The following UNC5B variants were observed in gnomAD, a reference collection of about 807,000 sequenced individuals.
UNC5B encodes the protein netrin receptor UNC5B.
In UNC5B, 56 loss-of-function variants were observed where a neutral mutation model predicts 103.7. That is an observed-to-expected ratio of 0.54 (90% CI 0.44 to 0.67). The LOEUF (loss-of-function observed/expected upper bound fraction) is 0.67, where lower values mean the gene tolerates loss of function less well. Among genes scored for constraint, UNC5B ranks in the 30% least tolerant of loss-of-function variants. The pLI is 0.00. For missense variants in UNC5B, 1,194 were observed against 1,284.5 expected, an observed-to-expected ratio of 0.93 and a Z score of 1.08; for synonymous variants, 577 against 542.0, an observed-to-expected ratio of 1.06 and a Z score of -0.90.
At chr10:71,220,964 G>A (rs1027533692) in intron 1 of UNC5B, among the ~76,000 whole-genome samples, 6 of 152,194 alleles carry the variant, frequency 3.9e-5, no homozygotes, top group Non-Finnish European at 8.8e-5. Flanking sequence ...GTCCGGAGTG[G>A]GGCAGAGGTG....
At chr10:71,295,425 T>C (rs1406865838) in intron 13 of UNC5B, among the ~76,000 whole-genome samples, 2 of 152,212 alleles carry the variant, frequency 1.3e-5, no homozygotes, top group East Asian at 3.8e-4. Flanking sequence ...CAGCAGCCCA[T>C]CTGTTTACCC....
chr10:71,258,656 A>G (rs1479556085), intron 1 of UNC5B, among the ~76,000 whole-genome samples: 1 of 152,216 alleles, frequency 6.6e-6, no homozygotes, highest in Non-Finnish European at 1.5e-5. Context: ...CCAAGGTCAC[A>G]CAGCTAGCGA....
intron 1 of UNC5B, among the ~76,000 whole-genome samples, chr10:71,259,885 GC>G (rs924220410): frequency 3.3e-5 from 5 of 152,228 alleles, no homozygotes; most frequent in African/African-American, 1.2e-4. Context: ...GGGGTAGATA[GC>G]CCAGGGGACT....
chr10:71,229,364 G>A (rs1447325588), intron 1 of UNC5B, among the ~76,000 whole-genome samples: 1 of 152,204 alleles, frequency 6.6e-6, no homozygotes, highest in African/African-American at 2.4e-5. Flanking sequence ...GATGGTGGGG[G>A]CATGATTGCC....
chr10:71,288,414 T>G (rs142841025), intron 6 of UNC5B, among the ~76,000 whole-genome samples, 154 bp from the exon 7 acceptor site: 1 of 152,362 alleles, frequency 6.6e-6, no homozygotes, highest in East Asian at 1.9e-4. Context: ...TCATGTGGAT[T>G]TCTCTGTGTG....
Position 71,213,346 on chromosome 10 carries a change from T to C in UNC5B, c.79+282T>C, listed in dbSNP as rs1843265952. On this transcript the variant is annotated intron_variant, in intron 1 of 16. Coordinates refer to ENST00000335350, the MANE Select transcript of UNC5B (RefSeq NM_170744.5). This position sits in a 1 kb window ranked among gnomAD's most constrained non-coding sequence, Gnocchi z 4.1. ...TGGAAGGGGTGTAGGAGTCAGGGTC[T>C]GAGTCTCCGGGAGGATCCGCCTCCT... Among the ~76,000 whole-genome samples, 1 of 152,124 alleles carries C rather than the reference T, an allele frequency of 6.6e-6. No individual in the cohort carries two copies. The highest frequency in any genetic ancestry group is 1.9e-4 in the East Asian group (1 of 5,168).
At chr10:71,293,087 T>G (rs1845308757) in intron 11 of UNC5B, among the ~76,000 whole-genome samples, 1 of 152,196 alleles carries the variant, frequency 6.6e-6, no homozygotes, top group African/African-American at 2.4e-5. Flanking sequence ...GAGTATAGAT[T>G]GGAACCAGCT....
chr10:71,282,346 A>G (rs1844951845), intron 2 of UNC5B, among the ~76,000 whole-genome samples: 1 of 152,190 alleles, frequency 6.6e-6, no homozygotes, highest in Non-Finnish European at 1.5e-5. Context: ...AGGCATTGCC[A>G]TGCTTGGGAG....
In UNC5B at chr10:71,296,040, T is replaced by G. The variant is rs1845403837; in HGVS notation, c.2325+80T>G. On this transcript the variant is annotated intron_variant, in intron 14 of 16. Coordinates refer to ENST00000335350, the MANE Select transcript of UNC5B (RefSeq NM_170744.5). The stretch of plus-strand genomic sequence containing the variant: ...GCCCAGCTCCCTCCCGGGCCCTGCC[T>G]CCTAGCTCTGTCCTGTGGCCTTACC... 1.4e-5 allele frequency: 22 copies of G among 1,587,772 alleles called. No individual in the cohort carries two copies. In the South Asian group the frequency reaches 2.4e-4, roughly 17 times the overall value.
chr10:71,273,674 G>T (rs1318280713), intron 1 of UNC5B, among the ~76,000 whole-genome samples: 1 of 152,222 alleles, frequency 6.6e-6, no homozygotes, highest in Non-Finnish European at 1.5e-5. Context: ...CTACAGACGG[G>T]CACAGGGCCT....
intron 1 of UNC5B, among the ~76,000 whole-genome samples, chr10:71,215,354 A>G (rs2132232217): frequency 6.6e-6 from 1 of 152,168 alleles, no homozygotes; most frequent in African/African-American, 2.4e-5. Context: ...CCCCTCTGCC[A>G]TGAGACTCAT....
intron 1 of UNC5B, among the ~76,000 whole-genome samples, chr10:71,253,843 A>G (rs1485407365): frequency 6.6e-6 from 1 of 152,092 alleles, no homozygotes; most frequent in East Asian, 1.9e-4. Flanking sequence ...TGGTTCACGC[A>G]TGTCTCCCAG....
chr10:71,234,760 G>A (rs1023656286), intron 1 of UNC5B, among the ~76,000 whole-genome samples: 2 of 152,224 alleles, frequency 1.3e-5, no homozygotes, highest in African/African-American at 4.8e-5. Flanking sequence ...CAGTTCCCCA[G>A]CCAGTTCCAG....
Position 71,300,029 on chromosome 10 carries a change from C to CTCTGTG in UNC5B, c.*753_*754insCTGTGT, listed in dbSNP as rs776916027. 32 of 146,648 alleles carry CTCTGTG rather than the reference C, an allele frequency of 2.2e-4. No individual in the cohort carries two copies. The highest frequency in any genetic ancestry group is 7.0e-4 in the African/African-American group (28 of 39,810). 9.1% of individuals were successfully genotyped at this position (146,648 alleles called of 1,614,324 possible). ...CACTTCTGGCCAGGAGTGAATGTGC[C>CTCTGTG]TGTGTGTGTGTGTGTGTGTGTGTGT... On this transcript the variant is annotated 3_prime_UTR_variant, in exon 17 of 17. Coordinates refer to ENST00000335350, the MANE Select transcript of UNC5B (RefSeq NM_170744.5).
Position 71,225,104 on chromosome 10 carries a change from C to T in UNC5B, c.79+12040C>T, listed in dbSNP as rs535604165. Among the ~76,000 whole-genome samples, 5 of 152,278 alleles carry T rather than the reference C, an allele frequency of 3.3e-5. No homozygotes were observed. In the South Asian group the frequency reaches 8.3e-4, roughly 25 times the overall value. On this transcript the variant is annotated intron_variant, in intron 1 of 16. Transcript: ENST00000335350. ...CACTGGACTAGGAGTCTGGAATCTCCAGCTCTAAGGCCAAATCTGTCTCTG... is the reference window on the plus strand; with the variant it reads ...CACTGGACTAGGAGTCTGGAATCTCTAGCTCTAAGGCCAAATCTGTCTCTG...
chr10:71,292,536 A>C lies in UNC5B; in HGVS notation c.1754A>C (p.Asn585Thr). 1 of 1,604,554 alleles carries C rather than the reference A, an allele frequency of 6.2e-7. No homozygotes were observed. The highest frequency in any genetic ancestry group is 8.5e-7 in the Non-Finnish European group (1 of 1,175,672). Residue 585 changes from asparagine (N) to threonine (T), a missense_variant, in exon 11 of 17, where the codon AAC becomes ACC. Asn to Thr is a moderately conservative substitution (Grantham distance 65). Transcript: ENST00000335350. Reference sequence around the variant, plus strand: ...TTCTACGAGATGTATCTACTCATCAACAAGGCAGAAAGTACCCTGTGAGTA... The same window carrying C: ...TTCTACGAGATGTATCTACTCATCACCAAGGCAGAAAGTACCCTGTGAGTA... ...GKFYEMYLLI[N>T]KAESTLPLSE...
intron 1 of UNC5B, chr10:71,217,435 G>T (rs1032371364): frequency 6.6e-6 from 1 of 152,222 alleles, no homozygotes; most frequent in African/African-American, 2.4e-5. Flanking sequence ...CCGGCTCCAT[G>T]CATTTCCCTG....
Position 71,298,000 on chromosome 10 carries a change from C to G in UNC5B, c.2582C>G (p.Ser861Cys). The change falls in exon 16 of 17, where the codon TCC becomes TGC. Residue 861 changes from serine to cysteine, a missense_variant. Physicochemically the swap from Ser to Cys is moderately radical, Grantham distance 112. Transcript: ENST00000335350. ...CCTTATGCCTTCAAGATCCCACTGT[C>G]CATCCGCCAGAAGATATGCAACAGC... ...LGPYAFKIPL[S>C]IRQKICNSLD... 1.2e-6 allele frequency: 2 copies of G among 1,614,030 alleles called. No homozygotes were observed. The highest frequency in any genetic ancestry group is 1.1e-5 in the South Asian group (1 of 91,084).
At chr10:71,289,086 C>G (rs767482528) in intron 8 of UNC5B, 96 bp downstream of exon 8, 22 of 1,541,816 alleles carry the variant, frequency 1.4e-5, no homozygotes, top group Non-Finnish European at 1.9e-5. Flanking sequence ...GCAGGGAGAG[C>G]TGAAGGTGCC....
Sources: allele counts gnomAD v4.1 joint callset (sites outside exome capture counted in the v4.1 genomes callset), GRCh38; gene constraint gnomAD v4.1.1; non-coding constraint Gnocchi (gnomAD v3.1); transcripts MANE v1.5; gene names NCBI Gene and HGNC (gene_info 2026-07-23, HGNC 2026-07-21).